Variants in UCHL3 observed in about 807,000 individuals in gnomAD.
UCHL3 encodes ubiquitin carboxyl-terminal hydrolase isozyme L3.
Under a neutral mutation model 35.8 loss-of-function variants are expected in UCHL3, and 22 were observed. That is an observed-to-expected ratio of 0.61 (90% CI 0.44 to 0.88). UCHL3 has a LOEUF of 0.88. UCHL3 is among the 40% of genes least tolerant of loss of function. The pLI, the probability that UCHL3 is intolerant of heterozygous loss-of-function variation, is 0.00. For synonymous variants in UCHL3, 90 were observed against 92.8 expected (o/e 0.97, Z 0.17); for missense variants, 229 against 276.9 (o/e 0.83, Z 1.23).
intron 7 of UCHL3, among the ~76,000 whole-genome samples, chr13:75,598,437 A>T (rs554183843): frequency 2.6e-5 from 4 of 152,316 alleles, no homozygotes; most frequent in African/African-American, 9.6e-5. Context: ...TATCACAATA[A>T]TGTCCTCTAT....
In UCHL3 at chr13:75,569,328, G is replaced by GTA. The variant is rs1276452924; in HGVS notation, c.427-132_427-131insTA. 4.2e-4 allele frequency: 258 copies of GTA among 616,134 alleles called. No homozygotes were observed. In the South Asian group the frequency reaches 5.8e-3, roughly 14 times the overall value. 38.2% of individuals were successfully genotyped at this position (616,134 alleles called of 1,614,324 possible). A position where few individuals can be genotyped will look rare whatever the true frequency, so the allele number is the denominator to read the frequency against. ...ATCATTCTTAAATATCTAGTACTAAGCTTTTCTTAAATTTCCTTCAATTTG... is the reference window on the plus strand; with the variant it reads ...ATCATTCTTAAATATCTAGTACTAAGTACTTTTCTTAAATTTCCTTCAATTTG... On this transcript the variant is annotated intron_variant, in intron 5 of 8. Transcript: ENST00000377595.
chr13:75,567,104 C>A (rs1475003545), intron 4 of UCHL3, 123 bp from the exon 5 acceptor site: 2 of 963,774 alleles, frequency 2.1e-6, no homozygotes, highest in East Asian at 2.6e-5. Context: ...ATGATCCTTA[C>A]ATTTCTAACC....
At chr13:75,571,368 T>G (rs2031851789) in intron 6 of UCHL3, among the ~76,000 whole-genome samples, 1 of 152,220 alleles carries the variant, frequency 6.6e-6, no homozygotes. Context: ...GCCTTCATTC[T>G]TTCCAGTCTT....
At chr13:75,571,363 C>T (rs2031851649) in intron 6 of UCHL3, among the ~76,000 whole-genome samples, 1 of 152,178 alleles carries the variant, frequency 6.6e-6, no homozygotes, top group South Asian at 2.1e-4. Context: ...TAACCGCCTT[C>T]ATTCTTTCCA....
At chr13:75,563,669 G>C (rs1322625616) in intron 3 of UCHL3, among the ~76,000 whole-genome samples, 2 of 152,058 alleles carry the variant, frequency 1.3e-5, no homozygotes, top group African/African-American at 4.8e-5. Flanking sequence ...AATGCAATAT[G>C]ATTTTATTAA....
At chr13:75,551,804 G>GA (rs1566206267) in intron 2 of UCHL3, among the ~76,000 whole-genome samples, 1 of 152,134 alleles carries the variant, frequency 6.6e-6, no homozygotes, top group Non-Finnish European at 1.5e-5. Context: ...AGGGTGTCTT[G>GA]AAAAACTATC....
chr13:75,594,857 A>G lies in UCHL3; in HGVS notation c.475-58A>G. The G allele has an allele frequency of 5.5e-6, 7 of 1,261,506 alleles. No homozygotes were observed. The Admixed American group carries it at 8.1e-5, about 15-fold the overall frequency. 78.1% of individuals were successfully genotyped at this position (1,261,506 alleles called of 1,614,324 possible). A position where few individuals can be genotyped will look rare whatever the true frequency, so the allele number is the denominator to read the frequency against. The stretch of plus-strand genomic sequence containing the variant: ...GTTATTTGTATGTGTTTATGTATAC[A>G]TGACTGATTTGTTTGACTACTAATG... On this transcript the variant is annotated intron_variant, in intron 6 of 8. Coordinates refer to ENST00000377595, the MANE Select transcript of UCHL3 (RefSeq NM_006002.5).
chr13:75,578,854 A>G (rs980141738), intron 6 of UCHL3, among the ~76,000 whole-genome samples: 3 of 151,960 alleles, frequency 2.0e-5, no homozygotes, highest in African/African-American at 7.2e-5. Context: ...TTAAAGATAC[A>G]TGTGTGTGTT....
intron 6 of UCHL3, among the ~76,000 whole-genome samples, chr13:75,578,037 G>C (rs948993032): frequency 6.6e-6 from 1 of 152,008 alleles, no homozygotes; most frequent in Non-Finnish European, 1.5e-5. Context: ...AAACATACCA[G>C]TATGGAAAAA....
Position 75,604,429 on chromosome 13 carries a change from A to T in UCHL3, c.551-340A>T, listed in dbSNP as rs1566233841. ...TGAGATCTTCCTATTTAAAGTGAAA[A>T]AAGAAATTTTTTTAATTTCCAAGGA... On this transcript the variant is annotated intron_variant, in intron 7 of 8. Coordinates refer to ENST00000377595, the MANE Select transcript of UCHL3 (RefSeq NM_006002.5). The T allele has an allele frequency of 2.1e-5, 4 of 186,504 alleles. No homozygotes were observed. In the East Asian group the frequency reaches 5.5e-4, roughly 25 times the overall value. 11.6% of individuals were successfully genotyped at this position (186,504 alleles called of 1,614,324 possible).
intron 6 of UCHL3, among the ~76,000 whole-genome samples, chr13:75,574,217 C>CAA (rs904003779): frequency 7.1e-6 from 1 of 140,344 alleles, no homozygotes; most frequent in South Asian, 2.2e-4. Context: ...GACTCCATCT[C>CAA]AAAAAAAAAA....
Position 75,560,892 on chromosome 13 carries a change from T to C in UCHL3, c.183+11T>C, listed in dbSNP as rs4884008. ...CCTATTACAGAAAAGGTAATTGTTA[T>C]GTAAAATAGAAAGTTTCTGGTAAAT... On this transcript the variant is annotated intron_variant, in intron 3 of 8. Transcript: ENST00000377595. The C allele has an allele frequency of 1.1e-5, 16 of 1,493,194 alleles. No individual in the cohort carries two copies. The highest frequency in any genetic ancestry group is 1.0e-4 in the African/African-American group (7 of 68,368). 92.5% of individuals were successfully genotyped at this position (1,493,194 alleles called of 1,614,324 possible). A position where few individuals can be genotyped will look rare whatever the true frequency, so the allele number is the denominator to read the frequency against.
intron 6 of UCHL3, among the ~76,000 whole-genome samples, chr13:75,570,946 G>C (rs544155670): frequency 1.3e-5 from 2 of 152,086 alleles, no homozygotes; most frequent in Non-Finnish European, 2.9e-5. Flanking sequence ...TGCTCTAGGC[G>C]CTGCTTTCAA....
intron 3 of UCHL3, among the ~76,000 whole-genome samples, chr13:75,563,316 C>T (rs1251852864): frequency 6.6e-6 from 1 of 152,172 alleles, no homozygotes; most frequent in Non-Finnish European, 1.5e-5. Context: ...GCTGGGATTT[C>T]AGGCGTGTGC....
At chr13:75,565,702 C>G (rs2031661053) in intron 3 of UCHL3, among the ~76,000 whole-genome samples, 2 of 152,194 alleles carry the variant, frequency 1.3e-5, no homozygotes, top group Non-Finnish European at 2.9e-5. Flanking sequence ...TGTAGGCTGT[C>G]ATTTGCTGAC....
chr13:75,603,246 G>T (rs1460790209), intron 7 of UCHL3, among the ~76,000 whole-genome samples: 1 of 152,130 alleles, frequency 6.6e-6, no homozygotes, highest in Non-Finnish European at 1.5e-5. Context: ...TAAATTACAG[G>T]TGTGAGCCAC....
intron 7 of UCHL3, among the ~76,000 whole-genome samples, chr13:75,601,489 C>T (rs1301693875): frequency 1.3e-5 from 2 of 152,240 alleles, no homozygotes; most frequent in African/African-American, 4.8e-5. Flanking sequence ...AAGCAAGCCC[C>T]TCCATCAGCA....
At chr13:75,556,727 A>T in intron 2 of UCHL3, among the ~76,000 whole-genome samples, 1 of 152,224 alleles carries the variant, frequency 6.6e-6, no homozygotes, top group Non-Finnish European at 1.5e-5. Flanking sequence ...AGAGATGGTT[A>T]TAGACAGTTT....
At chr13:75,562,939 A>G (rs541939440) in intron 3 of UCHL3, among the ~76,000 whole-genome samples, 45 of 152,274 alleles carry the variant, frequency 3.0e-4, no homozygotes, top group Non-Finnish European at 4.3e-4. Flanking sequence ...GATGTCTTAC[A>G]GTTTTGTAGA....
Sources: allele counts gnomAD v4.1 joint callset (sites outside exome capture counted in the v4.1 genomes callset), GRCh38; gene constraint gnomAD v4.1.1; transcripts MANE v1.5; gene names NCBI Gene and HGNC (gene_info 2026-07-23, HGNC 2026-07-21).